TEX11: variants seen among roughly 807,000 people sequenced by gnomAD.
TEX11 encodes the protein testis-expressed protein 11.
TEX11 carries 7 observed loss-of-function variants against 84.4 expected under a neutral mutation model. That is an observed-to-expected ratio of 0.08 (90% CI 0.05 to 0.16). The LOEUF (loss-of-function observed/expected upper bound fraction) is 0.16, where lower values mean the gene tolerates loss of function less well. Ranked by LOEUF, TEX11 falls within the 10% of genes least tolerant of loss-of-function variation. TEX11 has a pLI of 1.00. For synonymous variants in TEX11, 264 were observed against 222.8 expected, an observed-to-expected ratio of 1.18 and a Z score of -1.64; for missense variants, 551 against 660.5, an observed-to-expected ratio of 0.83 and a Z score of 1.82.
chrX:70,666,121 C>A (rs1438898068), intron 16 of TEX11, among the ~76,000 whole-genome samples: 3 of 111,121 alleles, frequency 2.7e-5, no homozygotes, highest in African/African-American at 9.8e-5. Context: ...ACTGACAGTC[C>A]AATAGATGAC....
chrX:70,626,071 A>G (rs2089448267), intron 18 of TEX11, among the ~76,000 whole-genome samples: 1 of 111,198 alleles, frequency 9.0e-6, no homozygotes, highest in Non-Finnish European at 1.9e-5. Context: ...TTCAATATAT[A>G]GGTAGAGGAT....
At chrX:70,544,621 C>T (rs1200179902) in intron 28 of TEX11, among the ~76,000 whole-genome samples, 1 of 109,331 alleles carries the variant, frequency 9.1e-6, no homozygotes, top group Non-Finnish European at 1.9e-5. Flanking sequence ...GGATGGATCA[C>T]TTGAGGTCAG....
intron 26 of TEX11, among the ~76,000 whole-genome samples, 174 bp from the exon 27 acceptor site, chrX:70,553,588 T>C (rs190972458): frequency 1.9e-4 from 21 of 111,953 alleles, no homozygotes; most frequent in African/African-American, 6.8e-4. Context: ...AAATAGCTTC[T>C]ACTTTCTGGG....
At chrX:70,520,998 C>T in the TEX11 span, among the ~76,000 whole-genome samples, 1 of 111,927 alleles carries the variant, frequency 8.9e-6, no homozygotes, top group Non-Finnish European at 1.9e-5. Context: ...TGGAAAAGTG[C>T]AGTATTTGGG....
the TEX11 span, among the ~76,000 whole-genome samples, chrX:70,517,449 G>A: frequency 1.1e-4 from 12 of 110,975 alleles, no homozygotes; most frequent in African/African-American, 3.3e-4. Context: ...TGTTGAACCA[G>A]CCTTGTATCC....
chrX:70,516,893 G>T, the TEX11 span, among the ~76,000 whole-genome samples: 23 of 111,318 alleles, frequency 2.1e-4, no homozygotes, highest in Admixed American at 1.6e-3. Context: ...ATTGTGAATG[G>T]GAGTTCACTC....
intron 5 of TEX11, among the ~76,000 whole-genome samples, chrX:70,858,510 G>GA (rs1276164409): frequency 9.2e-6 from 1 of 108,382 alleles, no homozygotes; most frequent in Non-Finnish European, 1.9e-5. Flanking sequence ...ATAATTTATG[G>GA]AAAAAATAGA....
At chrX:70,777,048 T>TTA (rs2091006523) in intron 9 of TEX11, among the ~76,000 whole-genome samples, 2 of 103,541 alleles carry the variant, frequency 1.9e-5, no homozygotes, top group Admixed American at 2.1e-4. Context: ...ATTATTATTA[T>TTA]TTTTTTTTTT....
intron 9 of TEX11, among the ~76,000 whole-genome samples, chrX:70,748,658 C>A (rs1490361232): frequency 1.9e-5 from 2 of 104,053 alleles, no homozygotes; most frequent in Non-Finnish European, 3.9e-5. Flanking sequence ...GTTTTCCCAG[C>A]ACCATTTATT....
intron 7 of TEX11, among the ~76,000 whole-genome samples, chrX:70,851,831 G>T (rs1048869478): frequency 9.0e-6 from 1 of 111,475 alleles, no homozygotes; most frequent in Non-Finnish European, 1.9e-5. Context: ...CAACAACACT[G>T]ATGAACCCTG....
chrX:70,897,529 G>T (rs186262417), intron 2 of TEX11: 1 of 104,986 alleles, frequency 9.5e-6, no homozygotes, highest in Non-Finnish European at 1.9e-5. Context: ...GGCGGAGGTT[G>T]CAGTGAGCCG....
At chrX:70,713,907 C>T (rs1603232797) in intron 13 of TEX11, among the ~76,000 whole-genome samples, 1 of 111,589 alleles carries the variant, frequency 9.0e-6, no homozygotes, top group Non-Finnish European at 1.9e-5. Context: ...TAGATCTTTC[C>T]TGCTTTCTCT....
At chrX:70,515,926 GA>G in the TEX11 span, among the ~76,000 whole-genome samples, 2 of 112,517 alleles carry the variant, frequency 1.8e-5, no homozygotes, top group African/African-American at 6.4e-5. Flanking sequence ...CTTCCTTTGA[GA>G]AGTGTCTGTT....
At chrX:70,834,198 A>AG (rs2091392521) in intron 7 of TEX11, among the ~76,000 whole-genome samples, 1 of 110,336 alleles carries the variant, frequency 9.1e-6, no homozygotes, top group Non-Finnish European at 1.9e-5. Context: ...TCTTAAAAAA[A>AG]AAAAAAATTT....
At chrX:70,727,588 T>C (rs2090609079) in intron 11 of TEX11, among the ~76,000 whole-genome samples, 2 of 111,904 alleles carry the variant, frequency 1.8e-5, no homozygotes, top group Non-Finnish European at 1.9e-5. Context: ...ACAGTTGCTA[T>C]GGACCGAATG....
chrX:70,666,128 T>G (rs1352877391), intron 16 of TEX11, among the ~76,000 whole-genome samples: 1 of 111,643 alleles, frequency 9.0e-6, no homozygotes, highest in Non-Finnish European at 1.9e-5. Context: ...GTCCAATAGA[T>G]GACTAAGGCA....
downstream of TEX11, among the ~76,000 whole-genome samples, chrX:70,524,651 C>T (rs1273839180): frequency 4.4e-5 from 5 of 112,472 alleles, no homozygotes; most frequent in Admixed American, 1.9e-4. Context: ...CTGTAACCTC[C>T]GCCTCCCAGG....
chrX:70,869,031 T>TTAAAGTAAAA (rs2091614388), intron 4 of TEX11, among the ~76,000 whole-genome samples: 4 of 65,945 alleles, frequency 6.1e-5, no homozygotes, highest in Admixed American at 1.7e-4. Context: ...ATCCCAGAAC[T>TTAAAGTAAAA]TAAAGTAAAA....
intron 17 of TEX11, among the ~76,000 whole-genome samples, chrX:70,646,458 T>C (rs1056714778): frequency 6.3e-5 from 7 of 111,905 alleles, no homozygotes; most frequent in Non-Finnish European, 1.1e-4. Context: ...AATGGGAGAA[T>C]ATATTTACAA....
Sources: allele counts gnomAD v4.1 joint callset (sites outside exome capture counted in the v4.1 genomes callset), GRCh38; gene constraint gnomAD v4.1.1; transcripts MANE v1.5; gene names NCBI Gene and HGNC (gene_info 2026-07-23, HGNC 2026-07-21).